The following DUSP6 variants were observed in gnomAD, a reference collection of about 807,000 sequenced individuals.
DUSP6 encodes dual specificity phosphatase 6.
In DUSP6, 6 loss-of-function variants were observed where a neutral mutation model predicts 28.0. That is an observed-to-expected ratio of 0.21 (90% CI 0.12 to 0.42). DUSP6 has a LOEUF of 0.42. DUSP6 is among the 10% of genes least tolerant of loss of function. The pLI is 1.00. For synonymous variants in DUSP6, 252 were observed against 217.5 expected, an observed-to-expected ratio of 1.16 and a Z score of -1.40; for missense variants, 451 against 498.1, an observed-to-expected ratio of 0.91 and a Z score of 0.90.
In DUSP6 at chr12:89,351,721, C is replaced by T; in HGVS notation, c.319G>A (p.Glu107Lys). 1 of 1,606,014 alleles carries T rather than the reference C, an allele frequency of 6.2e-7. No individual in the cohort carries two copies. Among genetic ancestry groups the T allele is most frequent in the Non-Finnish European group, 8.5e-7 (1 of 1,177,042 alleles). ...LYDESSSDWN[E>K]NTGGESVLGL... ...AGCACCGACTCGCCGCCCGTATTCTCGTTCCAGTCGCTGCTGCTCTCGTCG... is the reference window on the plus strand; with the variant it reads ...AGCACCGACTCGCCGCCCGTATTCTTGTTCCAGTCGCTGCTGCTCTCGTCG... Residue 107 changes from glutamate (E) to lysine (K), a missense_variant, in exon 1 of 3, where the codon GAG (glutamate) becomes AAG (lysine). Coordinates refer to ENST00000279488, the MANE Select transcript of DUSP6 (RefSeq NM_001946.4).
rs1384798908 is a variant in DUSP6, at chr12:89,349,166, A to ACAC, written c.*85_*87dup. On this transcript the variant is annotated 3_prime_UTR_variant, in exon 3 of 3. Transcript: ENST00000279488. Reference sequence around the variant, plus strand: ...TGGTGTCATTTTGACACCTGGGGCCACACACAAAGAAAGCAGCCCAGCTGA... The same window carrying ACAC: ...TGGTGTCATTTTGACACCTGGGGCCACACCACACAAAGAAAGCAGCCCAGCTGA... 7.0e-7 allele frequency: 1 copy of ACAC among 1,420,032 alleles called. No individual in the cohort carries two copies. Among genetic ancestry groups the ACAC allele is most frequent in the African/African-American group, 1.4e-5 (1 of 70,242 alleles). The allele number at this position is 1,420,032 out of a possible 1,614,324, so 88.0% of individuals were successfully genotyped here.
rs704078 is a variant in DUSP6 at position 89,350,469 on chromosome 12, T to G, written c.838+119A>C. 118,160 of 1,029,348 alleles carry G rather than the reference T, an allele frequency of 0.11. 7,218 individuals carry two copies. The highest frequency in any genetic ancestry group is 0.18 in the Admixed American group (8,055 of 43,662). 63.8% of individuals were successfully genotyped at this position (1,029,348 alleles called of 1,614,324 possible). The stretch of plus-strand genomic sequence containing the variant: ...CAGAATTAAGGACGCTCTAGGAACA[T>G]TAGAGACCTGCAGTCAGACAAATTA... On this transcript the variant is annotated intron_variant, in intron 2 of 2. Coordinates refer to ENST00000279488, the MANE Select transcript of DUSP6 (RefSeq NM_001946.4).
intron 1 of DUSP6, chr12:89,351,263 T>C (rs1879176012): frequency 1.6e-6 from 1 of 611,622 alleles, no homozygotes; most frequent in Non-Finnish European, 2.8e-6. Context: ...ATGGCAACTT[T>C]TTGGAATATT....
chr12:89,349,377 C>T lies in DUSP6; in HGVS notation c.1023G>A (p.Leu341=). The T allele has an allele frequency of 6.2e-7, 1 of 1,614,188 alleles. No homozygotes were observed. The highest frequency in any genetic ancestry group is 2.2e-5 in the East Asian group (1 of 44,892). The change falls in exon 3 of 3, where the codon CTG becomes CTA. Residue 341 remains leucine, a synonymous_variant. Coordinates refer to ENST00000279488, the MANE Select transcript of DUSP6 (RefSeq NM_001946.4). The stretch of plus-strand genomic sequence containing the variant: ...TGAGTCCCAGCGTCCTCTCGAAGTC[C>T]AGCAGCTGACCCATGAAGTTGAAGT... ...SPNFNFMGQL[L]DFERTLGLSS... is the part of the protein sequence containing the mutation.
At position 89,351,032 on chromosome 12, in the gene DUSP6, G is replaced by A. The variant is rs1489481910; in HGVS notation, c.401-7C>T. On this transcript the variant is annotated splice_region_variant and splice_polypyrimidine_tract_variant and intron_variant, in intron 1 of 2. Transcript: ENST00000279488. ...TGGAACTTACTGAAGCCACCTGCCA[G>A]AACGAGAAAAGCAATCATCTAACCT... The A allele has an allele frequency of 1.3e-6, 2 of 1,573,918 alleles. No homozygotes were observed. The highest frequency in any genetic ancestry group is 1.3e-5 in the African/African-American group (1 of 74,254).
In DUSP6 at chr12:89,349,414, T is replaced by C. The variant is rs747993086; in HGVS notation, c.986A>G (p.Asn329Ser). The change falls in exon 3 of 3, where the codon AAC (asparagine) becomes AGC (serine). Residue 329 changes from asparagine to serine, a missense_variant. Physicochemically the swap from Asn to Ser is conservative, Grantham distance 46. Around this residue, in one of 2 missense-constraint regions of DUSP6, gnomAD observed 104 missense variants for 151.4 expected, o/e 0.69. Transcript: ENST00000279488. ...AYDIVKMKKS[N>S]ISPNFNFMGQ... ...CATGAAGTTGAAGTTAGGGGATATG[T>C]TGGATTTTTTCATTTTGACAATGTC... The C allele has an allele frequency of 6.2e-7, 1 of 1,614,160 alleles. No homozygotes were observed. Among genetic ancestry groups the C allele is most frequent in the South Asian group, 1.1e-5 (1 of 91,082 alleles).
chr12:89,351,545 G>A (rs1879188196), intron 1 of DUSP6, 95 bp downstream of exon 1: 1 of 1,439,126 alleles, frequency 6.9e-7, no homozygotes, highest in Non-Finnish European at 9.2e-7. Flanking sequence ...CGAAGCTCCA[G>A]CTGAGCGGAG....
Position 89,348,411 on chromosome 12 carries a change from T to G in DUSP6, c.*843A>C, listed in dbSNP as rs758160878. On this transcript the variant is annotated 3_prime_UTR_variant, in exon 3 of 3. Coordinates refer to ENST00000279488, the MANE Select transcript of DUSP6 (RefSeq NM_001946.4). ...TGGTGTCTTTCCCAGATTATCCCCT[T>G]TGCGACAACACAAGCAAAAATATTT... The G allele has an allele frequency of 6.6e-6, 1 of 152,542 alleles. No individual in the cohort carries two copies. Among genetic ancestry groups the G allele is most frequent in the Non-Finnish European group, 1.5e-5 (1 of 68,030 alleles). 9.4% of individuals were successfully genotyped at this position (152,542 alleles called of 1,614,324 possible).
At position 89,351,868 on chromosome 12, in the gene DUSP6, T is replaced by C; in HGVS notation, c.172A>G (p.Ile58Val). 1 of 1,612,478 alleles carries C rather than the reference T, an allele frequency of 6.2e-7. No individual in the cohort carries two copies. Residue 58 changes from isoleucine to valine, a missense_variant, in exon 1 of 3, where the codon ATC (isoleucine) becomes GTC (valine). Transcript: ENST00000279488. ...AGGCGCCGCAGCATGATGCCCGGGA[T>C]GGCCACGTTGATGGCCGACTCGATG... Reference protein sequence around the residue: ...SHIESAINVAIPGIMLRRLQK... With the variant: ...SHIESAINVAVPGIMLRRLQK...
Position 89,350,773 on chromosome 12 carries a change from C to T in DUSP6, c.653G>A (p.Cys218Tyr). Residue 218 changes from cysteine (C) to tyrosine (Y), a missense_variant, in exon 2 of 3, where the codon TGT becomes TAT. Physicochemically the swap from Cys to Tyr is radical, Grantham distance 194. This residue lies in a region of DUSP6 where 347 missense variants were observed against 346.6 expected (regional missense o/e 1.00). Transcript: ENST00000279488. Reference protein sequence around the residue: ...VEILPFLYLGCAKDSTNLDVL... With the variant: ...VEILPFLYLGYAKDSTNLDVL... ...GTCCAAGTTGGTGGAGTCTTTGGCACAGCCCAAGTAGAGGAAGGGCAAGAT... is the reference window on the plus strand; with the variant it reads ...GTCCAAGTTGGTGGAGTCTTTGGCATAGCCCAAGTAGAGGAAGGGCAAGAT... 3 of 1,613,848 alleles carry T rather than the reference C, an allele frequency of 1.9e-6. No homozygotes were observed. Among genetic ancestry groups the T allele is most frequent in the Non-Finnish European group, 2.5e-6 (3 of 1,179,954 alleles).
chr12:89,350,468 A>C (rs1013869135), intron 2 of DUSP6, 120 bp downstream of exon 2: 1 of 1,020,158 alleles, frequency 9.8e-7, no homozygotes, highest in African/African-American at 1.6e-5. Context: ...CTCTAGGAAC[A>C]TTAGAGACCT....
Position 89,351,773 on chromosome 12 carries a change from G to A in DUSP6, c.267C>T (p.Arg89=), listed in dbSNP as rs1295905092. 6.2e-7 allele frequency: 1 copy of A among 1,609,464 alleles called. No individual in the cohort carries two copies. The highest frequency in any genetic ancestry group is 8.5e-7 in the Non-Finnish European group (1 of 1,178,654). The part of the protein sequence containing the change: ...RGEDRDRFTR[R]CGTDTVVLYD... ...AGAGCACCACTGTGTCGGTGCCACA[G>A]CGCCGGGTGAAGCGGTCCCGGTCCT... Residue 89 remains arginine, a synonymous_variant, in exon 1 of 3, where the codon CGC becomes CGT. Coordinates refer to ENST00000279488, the MANE Select transcript of DUSP6 (RefSeq NM_001946.4).
In DUSP6 at chr12:89,351,035, C is replaced by A. The variant is rs373643334; in HGVS notation, c.401-10G>T. 1 of 1,570,272 alleles carries A rather than the reference C, an allele frequency of 6.4e-7. No individual in the cohort carries two copies. The highest frequency in any genetic ancestry group is 1.9e-5 in the Admixed American group (1 of 53,782). Reference sequence around the variant, plus strand: ...AACTTACTGAAGCCACCTGCCAGAACGAGAAAAGCAATCATCTAACCTGAG... The same window carrying A: ...AACTTACTGAAGCCACCTGCCAGAAAGAGAAAAGCAATCATCTAACCTGAG... On this transcript the variant is annotated splice_polypyrimidine_tract_variant and intron_variant, in intron 1 of 2. Transcript: ENST00000279488.
In DUSP6 at chr12:89,350,929, C is replaced by T; in HGVS notation, c.497G>A (p.Gly166Glu). The change falls in exon 2 of 3, where the codon GGG becomes GAG. Residue 166 changes from glycine (G) to glutamate (E), a missense_variant. Physicochemically the swap from Gly to Glu is moderately conservative, Grantham distance 98 (BLOSUM62 -2). Around this residue, in one of 2 missense-constraint regions of DUSP6, gnomAD observed 347 missense variants for 346.6 expected, o/e 1.00. Transcript: ENST00000279488. Reference protein sequence around the residue: ...SSSSPPLPVLGLGGLRISSDS... With the variant: ...SSSSPPLPVLELGGLRISSDS... Reference sequence around the variant, plus strand: ...AGAGCTGATCCGCAGGCCCCCGAGCCCCAGCACTGGCAACGGCGGCGAGCT... The same window carrying T: ...AGAGCTGATCCGCAGGCCCCCGAGCTCCAGCACTGGCAACGGCGGCGAGCT... 1 of 1,613,828 alleles carries T rather than the reference C, an allele frequency of 6.2e-7. No individual in the cohort carries two copies. Among genetic ancestry groups the T allele is most frequent in the Non-Finnish European group, 8.5e-7 (1 of 1,179,954 alleles).
rs144857723 is a variant in DUSP6, at chr12:89,350,898, A to G, written c.528T>C (p.Ser176=). The G allele has an allele frequency of 1.8e-5, 29 of 1,613,930 alleles. 1 individual carries two copies. The African/African-American group carries it at 3.9e-4, about 22-fold the overall frequency. ...CAAGGTCAGACTCGATGTCCGAGGA[A>G]GAGTCAGAGCTGATCCGCAGGCCCC... is the stretch of plus-strand genomic sequence containing the variant. ...GLGGLRISSD[S]SSDIESDLDR... The change falls in exon 2 of 3, where the codon TCT becomes TCC. Residue 176 remains serine (S), a synonymous_variant. Coordinates refer to ENST00000279488, the MANE Select transcript of DUSP6 (RefSeq NM_001946.4).
At position 89,349,033 on chromosome 12, in the gene DUSP6, C is replaced by T; in HGVS notation, c.*221G>A. 1.8e-6 allele frequency: 1 copy of T among 558,000 alleles called. No individual in the cohort carries two copies. The highest frequency in any genetic ancestry group is 3.2e-6 in the Non-Finnish European group (1 of 315,218). 34.6% of individuals were successfully genotyped at this position (558,000 alleles called of 1,614,324 possible). On this transcript the variant is annotated 3_prime_UTR_variant, in exon 3 of 3. Transcript: ENST00000279488. ...TACACATGGGTACAGAGCAAACCTA[C>T]TGCCTGTATCTATACAGCATGTCCT...
chr12:89,349,974 CA>C (rs1278129753), intron 2 of DUSP6, among the ~76,000 whole-genome samples: 1 of 152,176 alleles, frequency 6.6e-6, no homozygotes, highest in Non-Finnish European at 1.5e-5. Flanking sequence ...AGGGAAGTCA[CA>C]GGGGACGGCC....
At chr12:89,351,609 G>A (rs112255849) in intron 1 of DUSP6, 31 bp downstream of exon 1, 10 of 1,569,542 alleles carry the variant, frequency 6.4e-6, no homozygotes, top group Non-Finnish European at 8.6e-6. Flanking sequence ...CCCTAGCCCT[G>A]CCCCGCGCGC....
At chr12:89,350,047 A>G (rs1879128336) in intron 2 of DUSP6, among the ~76,000 whole-genome samples, 1 of 152,228 alleles carries the variant, frequency 6.6e-6, no homozygotes, top group Admixed American at 6.5e-5. Context: ...TAGGAAATGC[A>G]TTACAATGCC....
Sources: gnomAD v4.1 joint callset for allele counts (sites outside exome capture counted in the v4.1 genomes callset) on GRCh38, gnomAD v4.1.1 for gene constraint, gnomAD v4.1.1 regional missense constraint, MANE v1.5 for transcripts, NCBI Gene and HGNC (gene_info 2026-07-23, HGNC 2026-07-21) for gene names.